Variants in DLGAP1 observed in about 807,000 individuals in gnomAD.
DLGAP1 encodes DLG associated protein 1.
DLGAP1 carries 11 observed loss-of-function variants against 90.8 expected under a neutral mutation model. The ratio of observed to expected loss-of-function variants is 0.12; its 90% CI spans 0.08 to 0.20. The LOEUF (loss-of-function observed/expected upper bound fraction) is 0.20, where lower values mean the gene tolerates loss of function less well. DLGAP1 is among the 10% of genes least tolerant of loss of function. The probability of loss-of-function intolerance (pLI) is 1.00; values close to 1 mark genes in which losing one functional copy is unlikely to be tolerated. For missense variants in DLGAP1, 1,050 were observed against 1,333.8 expected (o/e 0.79, Z 3.31); for synonymous variants, 558 against 540.7 (o/e 1.03, Z -0.44).
intron 3 of DLGAP1, among the ~76,000 whole-genome samples, chr18:3,965,679 G>A (rs2073310905): frequency 6.6e-6 from 1 of 152,120 alleles, no homozygotes; most frequent in South Asian, 2.1e-4. Flanking sequence ...CAGGCACGGT[G>A]ACTCACATCT....
chr18:4,163,021 A>C (rs1030184405), intron 1 of DLGAP1, among the ~76,000 whole-genome samples: 2 of 152,112 alleles, frequency 1.3e-5, no homozygotes, highest in African/African-American at 4.8e-5. Flanking sequence ...CACTGCTAAG[A>C]GTGTTGAGTA....
At chr18:3,608,921 C>T (rs1379755042) in intron 7 of DLGAP1, among the ~76,000 whole-genome samples, 1 of 152,240 alleles carries the variant, frequency 6.6e-6, no homozygotes, top group Non-Finnish European at 1.5e-5. Context: ...ACTGCAACCT[C>T]CACCTCCCAG....
intron 1 of DLGAP1, among the ~76,000 whole-genome samples, chr18:4,367,030 A>AAAAAAC (rs71160960): frequency 3.7e-5 from 5 of 135,096 alleles, no homozygotes; most frequent in Non-Finnish European, 7.9e-5. Context: ...AAAAAAAAAA[A>AAAAAAC]TCTTGTACTT....
rs188938362 is a variant in DLGAP1, at chr18:4,004,840, C to T, written c.-73+276G>A. Among the ~76,000 whole-genome samples the T allele has an allele frequency of 9.2e-5, 14 of 151,910 alleles. No homozygotes were observed. In the East Asian group the frequency reaches 2.7e-3, roughly 30 times the overall value. ...TGTGCATTGACATTTTCGGCACAGG[C>T]ATTTCTTTCTATATTATGGTTCCAT... On this transcript the variant is annotated intron_variant, in intron 3 of 12. Coordinates refer to ENST00000315677, the MANE Select transcript of DLGAP1 (RefSeq NM_004746.4).
At chr18:3,523,581 C>T (rs544996671) in intron 10 of DLGAP1, among the ~76,000 whole-genome samples, 43 of 151,954 alleles carry the variant, frequency 2.8e-4, no homozygotes, top group South Asian at 1.0e-3. Flanking sequence ...GGTGCGGTGG[C>T]TCACGCCTGT....
chr18:3,797,775 C>G lies in DLGAP1; in HGVS notation c.1172+16284G>C, dbSNP rs142137934. 3.6e-3 allele frequency among the ~76,000 whole-genome samples: 546 copies of G among 152,286 alleles called. 2 individuals are homozygous for G. The highest frequency in any genetic ancestry group is 0.014 in the Middle Eastern group (4 of 294). ...GTACTAGGGAAAACAATCTGGGATA[C>G]TGTAAGTCCTGCTTCCCCAGTGATA... is the stretch of plus-strand genomic sequence containing the variant. On this transcript the variant is annotated intron_variant, in intron 5 of 12. Coordinates refer to ENST00000315677, the MANE Select transcript of DLGAP1 (RefSeq NM_004746.4).
At chr18:3,570,431 A>G (rs1247139948) in intron 8 of DLGAP1, among the ~76,000 whole-genome samples, 1 of 151,712 alleles carries the variant, frequency 6.6e-6, no homozygotes, top group Non-Finnish European at 1.5e-5. Context: ...GGTGTGTGCC[A>G]CCATGCCTGG....
At chr18:3,579,620 C>T (rs980864038) in intron 8 of DLGAP1, among the ~76,000 whole-genome samples, 6 of 152,052 alleles carry the variant, frequency 3.9e-5, no homozygotes, top group African/African-American at 1.4e-4. Context: ...TATAGCACAA[C>T]AAAAATGGAG....
chr18:3,669,449 T>C (rs2060001543), intron 7 of DLGAP1, among the ~76,000 whole-genome samples: 1 of 152,004 alleles, frequency 6.6e-6, no homozygotes. Context: ...TTCGAGACCC[T>C]AGTAAGGAAA....
chr18:4,076,086 C>A (rs530246035), intron 2 of DLGAP1, among the ~76,000 whole-genome samples: 1 of 152,314 alleles, frequency 6.6e-6, no homozygotes, highest in African/African-American at 2.4e-5. Flanking sequence ...TGAAGTGAGG[C>A]CACACAGTTT....
At chr18:3,603,665 CA>C (rs950935873) in intron 7 of DLGAP1, 6 of 154,186 alleles carry the variant, frequency 3.9e-5, no homozygotes, top group African/African-American at 1.4e-4. Context: ...TTAGCTCCGG[CA>C]GTTGGATGAA....
At chr18:3,734,359 C>T (rs2062559736) in intron 6 of DLGAP1, among the ~76,000 whole-genome samples, 1 of 152,092 alleles carries the variant, frequency 6.6e-6, no homozygotes. Flanking sequence ...CTCAAGCTAT[C>T]CTCTGGCCTC....
At chr18:3,893,581 AAATAAT>A (rs57334634) in intron 3 of DLGAP1, among the ~76,000 whole-genome samples, 24,362 of 142,916 alleles carry the variant, frequency 0.17, 2,258 homozygotes, top group South Asian at 0.24. Flanking sequence ...CTCAATCTCA[AAATAAT>A]AATAATAATA....
intron 1 of DLGAP1, among the ~76,000 whole-genome samples, chr18:4,291,636 T>C (rs1255391997): frequency 6.6e-6 from 1 of 152,132 alleles, no homozygotes; most frequent in Non-Finnish European, 1.5e-5. Flanking sequence ...TTTATGACAA[T>C]AAAGTAGGTA....
At chr18:3,570,476 A>G (rs637455) in intron 8 of DLGAP1, among the ~76,000 whole-genome samples, 84,634 of 151,468 alleles carry the variant, frequency 0.56, 24,941 homozygotes, top group East Asian at 0.99. Context: ...ACGGGATTTC[A>G]CTACATTGGC....
intron 7 of DLGAP1, among the ~76,000 whole-genome samples, chr18:3,615,349 T>G (rs948866156): frequency 3.3e-5 from 5 of 152,226 alleles, no homozygotes; most frequent in African/African-American, 1.2e-4. Flanking sequence ...TTGGGGAGCC[T>G]CTATTTTCTT....
intron 2 of DLGAP1, among the ~76,000 whole-genome samples, chr18:4,123,655 C>A (rs968802424): frequency 1.3e-5 from 2 of 152,182 alleles, no homozygotes; most frequent in African/African-American, 4.8e-5. Context: ...AGAGCATAAC[C>A]CATGAGTTGT....
At chr18:4,282,965 A>C (rs1198848749) in intron 1 of DLGAP1, among the ~76,000 whole-genome samples, 1 of 152,224 alleles carries the variant, frequency 6.6e-6, no homozygotes, top group Non-Finnish European at 1.5e-5. Context: ...CAGTCTGTTC[A>C]AAGTGTCAAC....
intron 1 of DLGAP1, among the ~76,000 whole-genome samples, chr18:4,268,064 G>C (rs1220651190): frequency 1.3e-5 from 2 of 152,178 alleles, no homozygotes; most frequent in East Asian, 3.9e-4. Context: ...CATCTTGGAG[G>C]CTGGCTGTCA....
Sources: gnomAD v4.1 joint callset for allele counts (sites outside exome capture counted in the v4.1 genomes callset) on GRCh38, gnomAD v4.1.1 for gene constraint, MANE v1.5 for transcripts, NCBI Gene and HGNC (gene_info 2026-07-23, HGNC 2026-07-21) for gene names.